RELN: variants seen among roughly 807,000 people sequenced by gnomAD.
The protein encoded by RELN is reelin.
RELN carries 108 observed loss-of-function variants against 427.6 expected under a neutral mutation model. The ratio of observed to expected loss-of-function variants is 0.25; its 90% CI spans 0.22 to 0.30. The LOEUF is 0.30. RELN is among the 10% of genes least tolerant of loss of function. The probability of loss-of-function intolerance (pLI) is 1.00; values close to 1 mark genes in which losing one functional copy is unlikely to be tolerated. For missense variants in RELN, 3,715 were observed against 4,302.8 expected (o/e 0.86, Z 3.82); for synonymous variants, 1,524 against 1,513.4 (o/e 1.01, Z -0.16).
intron 8 of RELN, among the ~76,000 whole-genome samples, chr7:103,706,210 CTCCTT>C (rs1407192020): frequency 6.7e-6 from 1 of 149,534 alleles, no homozygotes; most frequent in African/African-American, 2.5e-5. Flanking sequence ...AGAGAAGAAT[CTCCTT>C]TCACTTGTTA....
chr7:103,843,966 C>A (rs1412721993), intron 2 of RELN, among the ~76,000 whole-genome samples: 2 of 152,156 alleles, frequency 1.3e-5, no homozygotes, highest in African/African-American at 4.8e-5. Flanking sequence ...ACTGCCTGCC[C>A]CCAGCCTCTC....
At chr7:103,817,937 C>CAAAAAAA (rs71154371) in intron 3 of RELN, among the ~76,000 whole-genome samples, 24 of 36,002 alleles carry the variant, frequency 6.7e-4, no homozygotes, top group South Asian at 1.2e-3. Context: ...GACTCCATCT[C>CAAAAAAA]AAAAAAAAAA....
intron 6 of RELN, among the ~76,000 whole-genome samples, chr7:103,744,770 T>C (rs1790771235): frequency 6.6e-6 from 1 of 150,854 alleles, no homozygotes; most frequent in Non-Finnish European, 1.5e-5. Flanking sequence ...GAGGAAATAA[T>C]CAATAGCTTA....
At position 103,620,840 on chromosome 7, in the gene RELN, C is replaced by G. The variant is rs1252814894; in HGVS notation, c.2703-9037G>C. Among the ~76,000 whole-genome samples, 1 of 152,200 alleles carries G rather than the reference C, an allele frequency of 6.6e-6. No homozygotes were observed. Among genetic ancestry groups the G allele is most frequent in the Non-Finnish European group, 1.5e-5 (1 of 68,030 alleles). On this transcript the variant is annotated intron_variant, in intron 20 of 64. Transcript: ENST00000428762. This position sits in a 1 kb window ranked among gnomAD's most constrained non-coding sequence, Gnocchi z 4.1. ...CCTTTCAACACACTCCTGTCTCTCT[C>G]AGTTCTTTTCTGTCTCCTCTATTTC... is the stretch of plus-strand genomic sequence containing the variant.
intron 3 of RELN, among the ~76,000 whole-genome samples, chr7:103,783,878 T>G (rs959187239): frequency 6.6e-6 from 1 of 152,208 alleles, no homozygotes; most frequent in Admixed American, 6.5e-5. Context: ...TATGAACTGT[T>G]TTACTTAAAG....
intron 8 of RELN, among the ~76,000 whole-genome samples, chr7:103,718,080 C>G (rs1789985485): frequency 6.6e-6 from 1 of 152,064 alleles, no homozygotes; most frequent in African/African-American, 2.4e-5. Context: ...GATCTCTTTT[C>G]TTTCACAAAG....
At chr7:103,830,645 A>G (rs991968825) in intron 3 of RELN, among the ~76,000 whole-genome samples, 5 of 152,060 alleles carry the variant, frequency 3.3e-5, no homozygotes, top group Non-Finnish European at 7.4e-5. Flanking sequence ...ATATGTAATA[A>G]ATATTACCGT....
At chr7:103,753,528 T>C (rs1456111174) in intron 4 of RELN, among the ~76,000 whole-genome samples, 1 of 152,188 alleles carries the variant, frequency 6.6e-6, no homozygotes, top group African/African-American at 2.4e-5. Flanking sequence ...CAATAATGAA[T>C]AACAAAAACC....
intron 57 of RELN, among the ~76,000 whole-genome samples, chr7:103,494,984 C>T (rs2711881): frequency 0.46 from 69,196 of 151,722 alleles, 18,567 homozygotes; most frequent in African/African-American, 0.75. Flanking sequence ...AGAGAGAGAA[C>T]TGTGCAACAT....
chr7:103,947,168 A>C (rs532774772), intron 1 of RELN, among the ~76,000 whole-genome samples: 59 of 152,328 alleles, frequency 3.9e-4, no homozygotes, highest in African/African-American at 1.3e-3. Flanking sequence ...TCTCAAGGAA[A>C]TCAACTGTGA....
chr7:103,551,000 G>T, intron 41 of RELN, 67 bp downstream of exon 41: 1 of 1,325,910 alleles, frequency 7.5e-7, no homozygotes, highest in Non-Finnish European at 1.1e-6. Context: ...AGTGGCAAGT[G>T]AACGATGACT....
At chr7:103,671,653 T>A (rs1833395085) in intron 11 of RELN, among the ~76,000 whole-genome samples, 1 of 152,070 alleles carries the variant, frequency 6.6e-6, no homozygotes, top group Non-Finnish European at 1.5e-5. Flanking sequence ...CATGCTATAA[T>A]TAATAAACAA....
At chr7:103,575,894 T>C (rs1428383476) in intron 28 of RELN, among the ~76,000 whole-genome samples, 189 bp from the exon 29 acceptor site, 1 of 152,136 alleles carries the variant, frequency 6.6e-6, no homozygotes, top group Non-Finnish European at 1.5e-5. Context: ...TTTTCTTTTT[T>C]TGAGACAGCA....
chr7:103,657,323 C>T (rs1056757040), intron 12 of RELN, among the ~76,000 whole-genome samples: 11 of 151,670 alleles, frequency 7.3e-5, no homozygotes, highest in Admixed American at 2.0e-4. Context: ...AAAAAATCCA[C>T]GTGAAAATGA....
intron 3 of RELN, among the ~76,000 whole-genome samples, chr7:103,789,161 C>T (rs1331835105): frequency 6.6e-6 from 1 of 152,166 alleles, no homozygotes; most frequent in Admixed American, 6.5e-5. Context: ...AACTAGAACC[C>T]TTTCTTACAT....
intron 8 of RELN, among the ~76,000 whole-genome samples, chr7:103,714,897 A>G (rs1399438268): frequency 6.6e-6 from 1 of 152,226 alleles, no homozygotes; most frequent in Non-Finnish European, 1.5e-5. Flanking sequence ...GGATCTGTCA[A>G]GAACTGTTCT....
intron 51 of RELN, chr7:103,504,388 T>C (rs1829139037): frequency 6.6e-6 from 1 of 152,232 alleles, no homozygotes; most frequent in Non-Finnish European, 1.5e-5. Context: ...TTATTGTTGA[T>C]ATTTTTATCT....
In RELN at chr7:103,561,726, G is replaced by C; in HGVS notation, c.5352-17C>G. ...CGGTCACACCTAAGAAAGAGAGGGA[G>C]TGGAGAAAAGACATTTGTCACACGT... is the stretch of plus-strand genomic sequence containing the variant. On this transcript the variant is annotated splice_polypyrimidine_tract_variant and intron_variant, in intron 35 of 64. Coordinates refer to ENST00000428762, the MANE Select transcript of RELN (RefSeq NM_005045.4). The C allele has an allele frequency of 6.2e-7, 1 of 1,613,842 alleles. No homozygotes were observed. Among genetic ancestry groups the C allele is most frequent in the African/African-American group, 1.3e-5 (1 of 74,996 alleles).
At chr7:103,592,408 T>TG (rs1562910097) in intron 27 of RELN, among the ~76,000 whole-genome samples, 2 of 152,230 alleles carry the variant, frequency 1.3e-5, no homozygotes, top group African/African-American at 4.8e-5. Context: ...ATGGTGTATA[T>TG]GTACCACATT....
Sources: allele counts gnomAD v4.1 joint callset (sites outside exome capture counted in the v4.1 genomes callset), GRCh38; gene constraint gnomAD v4.1.1; non-coding constraint Gnocchi (gnomAD v3.1); transcripts MANE v1.5; gene names NCBI Gene and HGNC (gene_info 2026-07-23, HGNC 2026-07-21).